Variants in NAA11 observed in about 807,000 individuals in gnomAD.
NAA11 encodes N-alpha-acetyltransferase 11, NatA catalytic subunit.
Under a neutral mutation model 16.1 loss-of-function variants are expected in NAA11, and 15 were observed. The ratio of observed to expected loss-of-function variants is 0.93; its 90% CI spans 0.62 to 1.44. The LOEUF is 1.44. Among genes scored for constraint, NAA11 ranks in the 40% most tolerant of loss-of-function variants. NAA11 has a pLI of 0.00. For synonymous variants in NAA11, 122 were observed against 112.4 expected (o/e 1.09, Z -0.54); for missense variants, 298 against 291.3 (o/e 1.02, Z -0.17).
At chr4:79,170,625 T>C in the NAA11 span, among the ~76,000 whole-genome samples, 6 of 152,144 alleles carry the variant, frequency 3.9e-5, no homozygotes, top group Non-Finnish European at 5.9e-5. Context: ...TGGTGGAAAG[T>C]TTGCATATGA....
chr4:79,245,778 C>T (rs1471304632), intron 2 of NAA11, among the ~76,000 whole-genome samples: 2 of 151,544 alleles, frequency 1.3e-5, no homozygotes, highest in Admixed American at 6.5e-5. Context: ...GGGGCGCCTC[C>T]GCCCAGCCGC....
In NAA11 at chr4:79,246,376, CTAAAA is replaced by C. The variant is rs199773942; in HGVS notation, c.*123-20111_*123-20107del. ...AACACCCAAGAATAATCAATAAATACTAAAAAAAAAAAAAAAAAAAAAAGAAAAAA... is the reference window on the plus strand; with the variant it reads ...AACACCCAAGAATAATCAATAAATACAAAAAAAAAAAAAAAAAAGAAAAAA... On this transcript the variant is annotated intron_variant and NMD_transcript_variant, in intron 2 of 2. Transcript: ENST00000511542. 3.1e-4 allele frequency among the ~76,000 whole-genome samples: 35 copies of C among 114,178 alleles called. 2 individuals are homozygous for C. Among genetic ancestry groups the C allele is most frequent in the African/African-American group, 8.1e-4 (22 of 27,120 alleles). The allele number at this position is 114,178 out of a possible 152,430, so 74.9% of individuals were successfully genotyped here.
downstream of NAA11, among the ~76,000 whole-genome samples, chr4:79,224,429 G>A (rs184647136): frequency 2.6e-5 from 4 of 152,102 alleles, no homozygotes; most frequent in African/African-American, 4.8e-5. Context: ...ACAGAGTTAC[G>A]TAATTACGTG....
the NAA11 span, among the ~76,000 whole-genome samples, chr4:79,197,237 GT>G: frequency 6.6e-5 from 10 of 151,612 alleles, no homozygotes; most frequent in East Asian, 7.8e-4. Context: ...TTACTGAGGG[GT>G]TTTTTTTAAG....
intron 2 of NAA11, among the ~76,000 whole-genome samples, chr4:79,289,509 CAATT>C (rs968445289): frequency 6.6e-6 from 1 of 152,150 alleles, no homozygotes. Context: ...TGCTTTACAT[CAATT>C]ATCTCGTTTT....
At chr4:79,181,897 G>A in the NAA11 span, among the ~76,000 whole-genome samples, 21 of 152,204 alleles carry the variant, frequency 1.4e-4, no homozygotes, top group South Asian at 3.7e-3. Context: ...TCTGATAGAC[G>A]TATAATTTTA....
the NAA11 span, among the ~76,000 whole-genome samples, chr4:79,181,982 T>G: frequency 6.6e-6 from 1 of 152,236 alleles, no homozygotes; most frequent in Admixed American, 6.5e-5. Context: ...TTGTGTTTTC[T>G]GAACTAATTG....
the NAA11 span, among the ~76,000 whole-genome samples, chr4:79,158,362 T>C: frequency 2.6e-5 from 4 of 151,978 alleles, no homozygotes; most frequent in Non-Finnish European, 4.4e-5. Flanking sequence ...CCTTTTACAA[T>C]AGGTGCAAAA....
downstream of NAA11, among the ~76,000 whole-genome samples, chr4:79,312,894 G>T (rs1438689496): frequency 6.6e-6 from 1 of 152,138 alleles, no homozygotes; most frequent in East Asian, 1.9e-4. Context: ...ATTAAGTACA[G>T]TTCGCTTTAC....
At chr4:79,200,975 ATG>A in the NAA11 span, among the ~76,000 whole-genome samples, 1 of 151,674 alleles carries the variant, frequency 6.6e-6, no homozygotes, top group African/African-American at 2.4e-5. Flanking sequence ...ATTTTTATGT[ATG>A]TATATACAAT....
the NAA11 span, among the ~76,000 whole-genome samples, chr4:79,209,619 A>C: frequency 6.6e-6 from 1 of 152,164 alleles, no homozygotes; most frequent in Non-Finnish European, 1.5e-5. Context: ...GTTAATATAT[A>C]AGTAGGAAAA....
At chr4:79,216,140 A>G in the NAA11 span, among the ~76,000 whole-genome samples, 3 of 152,088 alleles carry the variant, frequency 2.0e-5, no homozygotes, top group Non-Finnish European at 4.4e-5. Context: ...TTTAAGCTGT[A>G]TCTAGTCCTT....
At chr4:79,242,260 C>T (rs1721714450) in intron 2 of NAA11, among the ~76,000 whole-genome samples, 1 of 48,340 alleles carries the variant, frequency 2.1e-5, no homozygotes, top group Non-Finnish European at 7.5e-5. Flanking sequence ...GGATATCCTT[C>T]TTGTTAGTTT....
the NAA11 span, among the ~76,000 whole-genome samples, chr4:79,217,252 G>A: frequency 2.0e-5 from 3 of 152,290 alleles, no homozygotes; most frequent in East Asian, 1.9e-4. Flanking sequence ...ACTGCAGGGA[G>A]TCCTGGTGAA....
chr4:79,175,157 A>G, the NAA11 span, among the ~76,000 whole-genome samples: 23 of 152,068 alleles, frequency 1.5e-4, 1 homozygote, highest in African/African-American at 5.6e-4. Flanking sequence ...AGTCCTAAAT[A>G]CCCCATACAA....
chr4:79,304,730 G>C (rs2110005643), intron 1 of NAA11, among the ~76,000 whole-genome samples: 1 of 152,168 alleles, frequency 6.6e-6, no homozygotes, highest in Middle Eastern at 3.4e-3. Context: ...ATGCATATGA[G>C]AGTATTAAAC....
At chr4:79,167,163 G>GATATAT in the NAA11 span, among the ~76,000 whole-genome samples, 1 of 22,090 alleles carries the variant, frequency 4.5e-5, no homozygotes, top group Non-Finnish European at 1.1e-4. Context: ...TATGTATATG[G>GATATAT]AGAGAGAGAA....
At chr4:79,246,920 G>A (rs1041295620) in intron 2 of NAA11, among the ~76,000 whole-genome samples, 1 of 152,180 alleles carries the variant, frequency 6.6e-6, no homozygotes, top group Non-Finnish European at 1.5e-5. Flanking sequence ...GGGAGCTAGT[G>A]GCTCTTTGGG....
intron 2 of NAA11, among the ~76,000 whole-genome samples, chr4:79,234,788 T>G (rs1357691901): frequency 1.3e-5 from 2 of 152,150 alleles, no homozygotes; most frequent in Non-Finnish European, 2.9e-5. Context: ...TTGATTATTT[T>G]TTAAAATGTT....
Sources: allele counts gnomAD v4.1 joint callset (sites outside exome capture counted in the v4.1 genomes callset), GRCh38; gene constraint gnomAD v4.1.1; transcripts MANE v1.5; gene names NCBI Gene and HGNC (gene_info 2026-07-23, HGNC 2026-07-21).